Variants in CFAP74 observed in about 807,000 individuals in gnomAD.
CFAP74 encodes the protein cilia- and flagella-associated protein 74.
A neutral mutation model predicts 188.9 loss-of-function variants in CFAP74; 124 were observed. The ratio of observed to expected loss-of-function variants is 0.66; its 90% CI spans 0.57 to 0.76. The LOEUF (loss-of-function observed/expected upper bound fraction) is 0.76, where lower values mean the gene tolerates loss of function less well. CFAP74 is among the 30% of genes least tolerant of loss of function. CFAP74 has a pLI of 0.00. For missense variants in CFAP74, 2,198 were observed against 2,165.2 expected, an observed-to-expected ratio of 1.02 and a Z score of -0.30; for synonymous variants, 956 against 916.7, an observed-to-expected ratio of 1.04 and a Z score of -0.77.
At chr1:1,962,981 C>T (rs886297757) in intron 14 of CFAP74, among the ~76,000 whole-genome samples, 1 of 152,184 alleles carries the variant, frequency 6.6e-6, no homozygotes, top group Non-Finnish European at 1.5e-5. Flanking sequence ...ATCCAAAACA[C>T]AGGTAAGTGG....
intron 14 of CFAP74, among the ~76,000 whole-genome samples, chr1:1,962,313 T>TA (rs762458501): frequency 4.1e-4 from 62 of 150,914 alleles, no homozygotes; most frequent in Non-Finnish European, 6.5e-4. Flanking sequence ...CCGTCTCTAC[T>TA]AAAATACAAA....
At chr1:1,959,060 C>T in intron 16 of CFAP74, 60 bp downstream of exon 16, 1 of 1,199,710 alleles carries the variant, frequency 8.3e-7, no homozygotes, top group South Asian at 1.2e-5. Context: ...TGCCGTCCCC[C>T]ACTGGGGTTC....
In CFAP74 at chr1:1,926,468, CG is replaced by C; in HGVS notation, c.3816del (p.Glu1273ArgfsTer10). On this transcript the variant is annotated frameshift_variant, in exon 31 of 39. Transcript: ENST00000682832. LOFTEE classifies it high-confidence loss of function. ...IKKISIQNVS[P>X]EDLALDFSLL... The stretch of plus-strand genomic sequence containing the variant: ...GTGGACAAGGACACGGCCAGATCCT[CG>C]GGAGAGACGTTCTGGATGGAGATCT... The C allele has an allele frequency of 6.5e-7, 1 of 1,550,244 alleles. No homozygotes were observed. Among genetic ancestry groups the C allele is most frequent in the Admixed American group, 2.0e-5 (1 of 50,998 alleles).
intron 1 of CFAP74, among the ~76,000 whole-genome samples, chr1:1,999,756 G>T (rs13303031): frequency 0.34 from 51,097 of 151,930 alleles, 9,547 homozygotes; most frequent in African/African-American, 0.51. Flanking sequence ...GGAGGAGGTT[G>T]CAGTGAGCCA....
chr1:1,979,321 G>A (rs1409032073), intron 6 of CFAP74, among the ~76,000 whole-genome samples: 4 of 141,000 alleles, frequency 2.8e-5, no homozygotes, highest in African/African-American at 5.3e-5. Flanking sequence ...TGAGCTGGGC[G>A]TGGGAAGGCA....
In CFAP74 at chr1:1,939,669, C is replaced by T. The variant is rs1020402150; in HGVS notation, c.2802G>A (p.Glu934=). 1.3e-6 allele frequency: 2 copies of T among 1,536,058 alleles called. No individual in the cohort carries two copies. Residue 934 remains glutamate, a synonymous_variant, in exon 24 of 39, where the codon GAG becomes GAA. Coordinates refer to ENST00000682832, the MANE Select transcript of CFAP74 (RefSeq NM_001304360.2). ...GGAGGCTGATTTCCGTCCTGATGGC[C>T]TCATAGATGGTGCAGTAGCCAAAAT... ...EVDFGYCTIY[E]AIRTEISLHN...
intron 24 of CFAP74, 129 bp downstream of exon 24, chr1:1,939,465 T>C: frequency 1.1e-6 from 1 of 893,722 alleles, no homozygotes; most frequent in Non-Finnish European, 1.7e-6. Context: ...TGTGGAGGGG[T>C]GCAGCTGAGA....
At chr1:1,971,216 CAT>C (rs1290427675) in intron 9 of CFAP74, among the ~76,000 whole-genome samples, 3 of 151,978 alleles carry the variant, frequency 2.0e-5, no homozygotes, top group South Asian at 2.1e-4. Context: ...CACCTGCACA[CAT>C]ACGCGTGCAC....
intron 12 of CFAP74, 108 bp from the exon 13 acceptor site, chr1:1,965,169 C>A (rs1280049483): frequency 2.7e-5 from 30 of 1,100,380 alleles, no homozygotes; most frequent in Non-Finnish European, 3.2e-5. Flanking sequence ...GACAGCCCAG[C>A]CCCACCGGCT....
chr1:1,955,431 GTGCTGGGCC>G, intron 18 of CFAP74: 1 of 1,503,826 alleles, frequency 6.6e-7, no homozygotes, highest in Middle Eastern at 1.8e-4. Flanking sequence ...GGCTCCGCCC[GTGCTGGGCC>G]TGCTGGGCCA....
At chr1:1,945,149 A>G (rs1298259189) in intron 20 of CFAP74, among the ~76,000 whole-genome samples, 1 of 151,930 alleles carries the variant, frequency 6.6e-6, no homozygotes, top group Non-Finnish European at 1.5e-5. Context: ...TCTACAAAAA[A>G]TACAAAACTT....
chr1:1,990,878 A>C lies in CFAP74; in HGVS notation c.67+12T>G, dbSNP rs1657527617. 1.9e-6 allele frequency: 3 copies of C among 1,606,616 alleles called. No homozygotes were observed. The highest frequency in any genetic ancestry group is 1.3e-5 in the African/African-American group (1 of 74,612). Reference sequence around the variant, plus strand: ...GCTGAAACTTCCGTTACTGTGAAAGAAGCTTTATTACCATCTTCCAAAAGA... The same window carrying C: ...GCTGAAACTTCCGTTACTGTGAAAGCAGCTTTATTACCATCTTCCAAAAGA... On this transcript the variant is annotated intron_variant, in intron 2 of 38. Transcript: ENST00000682832.
intron 12 of CFAP74, 50 bp downstream of exon 12, chr1:1,966,321 C>CA (rs769513336): frequency 7.0e-7 from 1 of 1,424,906 alleles, no homozygotes; most frequent in Non-Finnish European, 9.3e-7. Context: ...GAGCCGGCGA[C>CA]AGAGGGCCGG....
Position 1,968,485 on chromosome 1 carries a change from A to G in CFAP74, c.1245+150T>C, listed in dbSNP as rs1655637305. 3.0e-6 allele frequency: 2 copies of G among 675,760 alleles called. No individual in the cohort carries two copies. Among genetic ancestry groups the G allele is most frequent in the Non-Finnish European group, 5.3e-6 (2 of 379,478 alleles). The allele number at this position is 675,760 out of a possible 1,614,324, so 41.9% of individuals were successfully genotyped here. On this transcript the variant is annotated intron_variant, in intron 11 of 38. Coordinates refer to ENST00000682832, the MANE Select transcript of CFAP74 (RefSeq NM_001304360.2). The surrounding 1 kb of genome is among the most constrained non-coding windows in gnomAD (Gnocchi z 4.3). ...GTCTTGTCCCCTTGTCCTTGAGCTG[A>G]GTGGCGGCCACTCAGCGGGCTCAGC...
At chr1:1,926,400 C>T in intron 31 of CFAP74, 53 bp from the exon 32 acceptor site, 2 of 1,550,188 alleles carry the variant, frequency 1.3e-6, no homozygotes, top group South Asian at 1.2e-5. Flanking sequence ...TCTACCACGC[C>T]CTCCCCGGTC....
intron 13 of CFAP74, 115 bp downstream of exon 13, chr1:1,964,773 G>C (rs1655343135): frequency 9.0e-7 from 1 of 1,112,880 alleles, no homozygotes; most frequent in Middle Eastern, 2.9e-4. Context: ...CTGGGCGACA[G>C]AGTGAGACTC....
chr1:1,955,412 G>A (rs756864654), intron 18 of CFAP74: 68 of 1,439,234 alleles, frequency 4.7e-5, no homozygotes, highest in Non-Finnish European at 5.6e-5. Flanking sequence ...CCTCTTCCCC[G>A]CCCTGTGCGG....
At chr1:1,947,283 T>G (rs868324560) in intron 18 of CFAP74, among the ~76,000 whole-genome samples, 34 of 152,224 alleles carry the variant, frequency 2.2e-4, no homozygotes, top group Middle Eastern at 3.2e-3. Context: ...AAGACCCCCA[T>G]TTTCTCACGA....
chr1:1,974,315 A>G, intron 6 of CFAP74, 117 bp from the exon 7 acceptor site: 1 of 987,316 alleles, frequency 1.0e-6, no homozygotes, highest in Admixed American at 2.9e-5. Flanking sequence ...CAGATGGGTT[A>G]GCTCCCTCCT....
Sources: gnomAD v4.1 joint callset for allele counts (sites outside exome capture counted in the v4.1 genomes callset) on GRCh38, gnomAD v4.1.1 for gene constraint, Gnocchi (gnomAD v3.1) non-coding constraint, MANE v1.5 for transcripts, NCBI Gene and HGNC (gene_info 2026-07-23, HGNC 2026-07-21) for gene names.